KRT80: variants seen among roughly 807,000 people sequenced by gnomAD.
KRT80 encodes keratin 80.
A neutral mutation model predicts 51.5 loss-of-function variants in KRT80; 36 were observed. The ratio of observed to expected loss-of-function variants is 0.70; its 90% CI spans 0.54 to 0.92. The LOEUF (loss-of-function observed/expected upper bound fraction) is 0.92. Ranked by LOEUF, KRT80 falls within the 40% of genes least tolerant of loss-of-function variation. The pLI is 0.00. For synonymous variants in KRT80, 235 were observed against 248.3 expected, an observed-to-expected ratio of 0.95 and a Z score of 0.50; for missense variants, 566 against 591.7, an observed-to-expected ratio of 0.96 and a Z score of 0.45.
chr12:52,185,811 C>G, intron 1 of KRT80: 1 of 945,618 alleles, frequency 1.1e-6, no homozygotes, highest in Non-Finnish European at 1.5e-6. Context: ...AGCCAATTAG[C>G]AAAGGTTTCC....
At chr12:52,183,483 C>A (rs1450946767) in intron 2 of KRT80, among the ~76,000 whole-genome samples, 1 of 152,232 alleles carries the variant, frequency 6.6e-6, no homozygotes, top group Non-Finnish European at 1.5e-5. Context: ...CACAGTCAGG[C>A]TGTAGCTCCC....
At chr12:52,174,299 AG>A (rs1941179390) in intron 4 of KRT80, among the ~76,000 whole-genome samples, 2 of 152,108 alleles carry the variant, frequency 1.3e-5, no homozygotes, top group Admixed American at 1.3e-4. Context: ...AAATGTTGGG[AG>A]GGAAGCCAGG....
chr12:52,179,449 C>A (rs1327544149), intron 4 of KRT80, among the ~76,000 whole-genome samples: 2 of 152,208 alleles, frequency 1.3e-5, no homozygotes, highest in Non-Finnish European at 2.9e-5. Flanking sequence ...GGGCTGCCTT[C>A]CTGCTGCTCC....
At chr12:52,181,876 G>GT (rs956390098) in intron 2 of KRT80, among the ~76,000 whole-genome samples, 1 of 152,180 alleles carries the variant, frequency 6.6e-6, no homozygotes, top group Non-Finnish European at 1.5e-5. Context: ...AGCAGCTTCT[G>GT]TTTTTTTCCC....
rs767452126 is a variant in KRT80 at position 52,171,495 on chromosome 12, G to A, written c.1262C>T (p.Ala421Val). The change falls in exon 9 of 9, where the codon GCC becomes GTC. Residue 421 changes from alanine (A) to valine (V), a missense_variant. By Grantham distance (64) the Ala-to-Val change is moderately conservative (BLOSUM62 0). Coordinates refer to ENST00000394815, the MANE Select transcript of KRT80 (RefSeq NM_182507.3). ...GCTGCCCTTCTTCTTTCGGGAGGGG[G>A]CCTTGGAGAGGCCTGATCTGGAGGC... ...TAASRSGLSK[A>V]PSRKKKGSKG... 1 of 1,613,398 alleles carries A rather than the reference G, an allele frequency of 6.2e-7. No individual in the cohort carries two copies. The highest frequency in any genetic ancestry group is 8.5e-7 in the Non-Finnish European group (1 of 1,179,610).
At position 52,187,461 on chromosome 12, in the gene KRT80, C is replaced by T. The variant is rs146854183; in HGVS notation, c.301-1874G>A. On this transcript the variant is annotated intron_variant, in intron 1 of 8. Transcript: ENST00000394815. ...ATGGCCACTGCCCTCTCTGCACCTT[C>T]GTAGGCTCCCGAACGGTCAGGTGGG... Among the ~76,000 whole-genome samples the T allele has an allele frequency of 9.2e-5, 14 of 152,330 alleles. No individual in the cohort carries two copies. In the South Asian group the frequency reaches 2.3e-3, roughly 25 times the overall value.
At chr12:52,188,358 G>T (rs1426054517) in intron 1 of KRT80, among the ~76,000 whole-genome samples, 1 of 152,222 alleles carries the variant, frequency 6.6e-6, no homozygotes, top group Non-Finnish European at 1.5e-5. Context: ...GTAGGGCCAG[G>T]TTGGGGCTGA....
rs184119341 is a variant in KRT80 at position 52,188,308 on chromosome 12, C to T, written c.301-2721G>A. 7.5e-4 allele frequency among the ~76,000 whole-genome samples: 114 copies of T among 152,324 alleles called. 1 individual carries two copies. The highest frequency in any genetic ancestry group is 2.6e-3 in the African/African-American group (110 of 41,578). The stretch of plus-strand genomic sequence containing the variant: ...ACAGTAGCAGCTGTAGCAGGGACCT[C>T]TCCATTTTACAGATGAAGAAACTGA... On this transcript the variant is annotated intron_variant, in intron 1 of 8. Transcript: ENST00000394815.
chr12:52,175,017 T>TGCA (rs1304803717), intron 4 of KRT80, among the ~76,000 whole-genome samples: 1 of 152,080 alleles, frequency 6.6e-6, no homozygotes, highest in Non-Finnish European at 1.5e-5. Flanking sequence ...GGGTGTTGGG[T>TGCA]GCAGACACAT....
intron 1 of KRT80, among the ~76,000 whole-genome samples, chr12:52,188,892 T>G (rs554252318): frequency 1.1e-4 from 17 of 152,342 alleles, no homozygotes; most frequent in Admixed American, 3.3e-4. Context: ...CCTCTCCTGC[T>G]GCTACTGCTT....
intron 2 of KRT80, among the ~76,000 whole-genome samples, chr12:52,184,562 G>T (rs1043502770): frequency 5.3e-5 from 8 of 152,160 alleles, no homozygotes; most frequent in African/African-American, 1.9e-4. Context: ...TCCTCCTCAG[G>T]TTAGATACCT....
Position 52,191,473 on chromosome 12 carries a change from G to C in KRT80, c.300+130C>G, listed in dbSNP as rs1592368884. On this transcript the variant is annotated intron_variant, in intron 1 of 8. Coordinates refer to ENST00000394815, the MANE Select transcript of KRT80 (RefSeq NM_182507.3). ...TGCTCAGAGCTAGCCTGTCGGGTTA[G>C]CAGTGCCATCTCCCCATTGGCTGGG... 9 of 896,252 alleles carry C rather than the reference G, an allele frequency of 1.0e-5. No individual in the cohort carries two copies. In the East Asian group the frequency reaches 2.3e-4, roughly 22 times the overall value. 55.5% of individuals were successfully genotyped at this position (896,252 alleles called of 1,614,324 possible).
At chr12:52,172,489 G>A (rs1039072096) in intron 6 of KRT80, 71 bp from the exon 7 acceptor site, 21 of 1,411,660 alleles carry the variant, frequency 1.5e-5, no homozygotes, top group Admixed American at 6.0e-5. Context: ...GCCAGGAGTC[G>A]TCTCTGTCCT....
At position 52,177,659 on chromosome 12, in the gene KRT80, G is replaced by GCA. The variant is rs1195596192; in HGVS notation, c.666+2853_666+2854insTG. Among the ~76,000 whole-genome samples the GCA allele has an allele frequency of 7.8e-3, 1,175 of 150,866 alleles. 5 individuals are homozygous for GCA. The highest frequency in any genetic ancestry group is 0.012 in the Non-Finnish European group (846 of 67,862). On this transcript the variant is annotated intron_variant, in intron 4 of 8. Transcript: ENST00000394815. ...GCTGTGTGTGTGTGTGTGTGTGTGT[G>GCA]TGTGTGCATGTGTGTGTATGTACAC...
At chr12:52,181,428 G>A (rs373031195) in intron 2 of KRT80, among the ~76,000 whole-genome samples, 2 of 152,240 alleles carry the variant, frequency 1.3e-5, no homozygotes, top group East Asian at 3.9e-4. Context: ...TCTGCTTTGC[G>A]AGCCAGTAGG....
At position 52,173,747 on chromosome 12, in the gene KRT80, T is replaced by A. The variant is rs1941165567; in HGVS notation, c.684A>T (p.Ala228=). ...TCACCGACACATCCTTCACCTGTGC[T>A]GCCAGGTCCTTCAGCTCCTGACCGG... ...TIYEQELKDL[A]AQVKDVSVTV... Residue 228 remains alanine (A), a synonymous_variant, in exon 5 of 9, where the codon GCA becomes GCT. Transcript: ENST00000394815. 1.2e-6 allele frequency: 2 copies of A among 1,611,364 alleles called. No individual in the cohort carries two copies. The highest frequency in any genetic ancestry group is 4.5e-5 in the East Asian group (2 of 44,890).
intron 2 of KRT80, among the ~76,000 whole-genome samples, chr12:52,183,745 C>T (rs1272723989): frequency 5.3e-5 from 8 of 152,234 alleles, no homozygotes; most frequent in Non-Finnish European, 7.3e-5. Flanking sequence ...TGGCGGAGCT[C>T]GTGGGAGCAG....
At chr12:52,185,648 G>C (rs752595624) in intron 1 of KRT80, 61 bp from the exon 2 acceptor site, 1 of 1,566,440 alleles carries the variant, frequency 6.4e-7, no homozygotes, top group Non-Finnish European at 8.6e-7. Flanking sequence ...CTGAGGCCCC[G>C]GGCTGACCAG....
intron 1 of KRT80, among the ~76,000 whole-genome samples, chr12:52,188,747 C>A (rs1941441064): frequency 6.6e-6 from 1 of 152,214 alleles, no homozygotes; most frequent in Non-Finnish European, 1.5e-5. Flanking sequence ...TACAGCCTCC[C>A]CAGGATGAGC....
Sources: gnomAD v4.1 joint callset for allele counts (sites outside exome capture counted in the v4.1 genomes callset) on GRCh38, gnomAD v4.1.1 for gene constraint, MANE v1.5 for transcripts, NCBI Gene and HGNC (gene_info 2026-07-23, HGNC 2026-07-21) for gene names.